The following ZNF469 variants were observed in gnomAD, a reference collection of about 807,000 sequenced individuals.
The protein encoded by ZNF469 is zinc finger protein 469.
Under a neutral mutation model 1.0 loss-of-function variants are expected in ZNF469, and 1 was observed. That is an observed-to-expected ratio of 1.00 (90% CI 0.35 to 4.73). ZNF469 has a LOEUF of 4.73. Ranked by LOEUF, ZNF469 falls within the 30% of genes most tolerant of loss-of-function variation. ZNF469 has a pLI of 0.16. For missense variants in ZNF469, 6,100 were observed against 5,356.3 expected, an observed-to-expected ratio of 1.14 and a Z score of -4.33; for synonymous variants, 2,703 against 2,363.4, an observed-to-expected ratio of 1.14 and a Z score of -4.17.
chr16:88,268,354 G>A, the ZNF469 span, among the ~76,000 whole-genome samples: 3 of 151,990 alleles, frequency 2.0e-5, no homozygotes, highest in Admixed American at 2.0e-4. Context: ...TGTCAGACTT[G>A]GTTCTGATTT....
rs1428573853 is a variant in ZNF469 at position 88,439,074 on chromosome 16, C to G, written c.11604C>G (p.Asn3868Lys). ...LPTKPKPNSQ[N>K]KPRPPPSEQR... is the part of the protein sequence containing the mutation. ...CCAAGCCCAAGCCCAACAGCCAGAA[C>G]AAACCCAGGCCGCCACCATCAGAGC... The change falls in exon 3 of 3, where the codon AAC becomes AAG. Residue 3868 changes from asparagine to lysine, a missense_variant. By Grantham distance (94) the Asn-to-Lys change is moderately conservative. Transcript: ENST00000565624. 1.3e-6 allele frequency: 2 copies of G among 1,550,798 alleles called. No individual in the cohort carries two copies. Among genetic ancestry groups the G allele is most frequent in the Non-Finnish European group, 1.7e-6 (2 of 1,146,976 alleles).
At chr16:88,341,109 A>T in the ZNF469 span, among the ~76,000 whole-genome samples, 1 of 152,218 alleles carries the variant, frequency 6.6e-6, no homozygotes, top group African/African-American at 2.4e-5. Context: ...CAAATCTCTC[A>T]GGCCTTGTGG....
chr16:88,325,649 C>T, the ZNF469 span, among the ~76,000 whole-genome samples: 1 of 152,362 alleles, frequency 6.6e-6, no homozygotes, highest in South Asian at 2.1e-4. Context: ...GGTCCCATCC[C>T]TCATGCAATT....
the ZNF469 span, among the ~76,000 whole-genome samples, chr16:88,193,307 T>G: frequency 6.7e-6 from 1 of 150,044 alleles, no homozygotes; most frequent in Non-Finnish European, 1.5e-5. Context: ...GTGGGGTTGG[T>G]GGTGATGGTG....
chr16:88,414,949 G>A (rs564415519), intron 1 of ZNF469, among the ~76,000 whole-genome samples: 7 of 152,354 alleles, frequency 4.6e-5, no homozygotes, highest in East Asian at 3.9e-4. Context: ...GCCACACAGC[G>A]AGTGGGAACA....
At chr16:88,108,484 G>A in the ZNF469 span, among the ~76,000 whole-genome samples, 1 of 152,194 alleles carries the variant, frequency 6.6e-6, no homozygotes, top group South Asian at 2.1e-4. Context: ...TTTCCACCCT[G>A]AAGAATCAGG....
the ZNF469 span, among the ~76,000 whole-genome samples, chr16:88,297,799 C>A: frequency 1.7e-4 from 26 of 152,212 alleles, no homozygotes; most frequent in Non-Finnish European, 3.1e-4. Context: ...AGTCCTGTGG[C>A]CCCTTCTCCA....
At chr16:88,356,846 A>C in the ZNF469 span, among the ~76,000 whole-genome samples, 1 of 152,188 alleles carries the variant, frequency 6.6e-6, no homozygotes, top group Non-Finnish European at 1.5e-5. Flanking sequence ...GAGATGGGGC[A>C]AGAGGCACCA....
the ZNF469 span, among the ~76,000 whole-genome samples, chr16:88,315,297 C>T: frequency 9.9e-5 from 15 of 152,168 alleles, no homozygotes; most frequent in African/African-American, 3.1e-4. Flanking sequence ...GGGGCTGGCA[C>T]GGCACTGGCC....
At chr16:88,329,856 C>G in the ZNF469 span, among the ~76,000 whole-genome samples, 1 of 152,236 alleles carries the variant, frequency 6.6e-6, no homozygotes, top group Non-Finnish European at 1.5e-5. Context: ...CCCACCAGAG[C>G]AGAGATGGCC....
At position 88,430,382 on chromosome 16, in the gene ZNF469, G is replaced by A; in HGVS notation, c.2912G>A (p.Gly971Asp). Residue 971 changes from glycine to aspartate, a missense_variant, in exon 3 of 3, where the codon GGC becomes GAC. Gly to Asp is a moderately conservative substitution (Grantham distance 94). Coordinates refer to ENST00000565624, the MANE Select transcript of ZNF469 (RefSeq NM_001367624.2). ...GCAGCAGAGGGGTCGGGGTCGGGCG[G>A]CGGCGGCAGAGCCTCCGGCCTGAGG... Reference protein sequence around the residue: ...GGAAEGSGSGGGGRASGLRPR... With the variant: ...GGAAEGSGSGDGGRASGLRPR... 1 of 1,514,044 alleles carries A rather than the reference G, an allele frequency of 6.6e-7. No individual in the cohort carries two copies. The highest frequency in any genetic ancestry group is 8.8e-7 in the Non-Finnish European group (1 of 1,133,582). 93.8% of individuals were successfully genotyped at this position (1,514,044 alleles called of 1,614,324 possible). A position where few individuals can be genotyped will look rare whatever the true frequency, so the allele number is the denominator to read the frequency against.
At chr16:88,208,693 C>T in the ZNF469 span, among the ~76,000 whole-genome samples, 8 of 149,824 alleles carry the variant, frequency 5.3e-5, no homozygotes, top group Admixed American at 2.0e-4. Flanking sequence ...GAAGGAAGCA[C>T]GCACAGATAA....
At chr16:88,229,638 T>TGCGGATGTAACGC in the ZNF469 span, among the ~76,000 whole-genome samples, 2 of 133,074 alleles carry the variant, frequency 1.5e-5, no homozygotes, top group Non-Finnish European at 3.1e-5. Flanking sequence ...GGATGTCACG[T>TGCGGATGTAACGC]GTGTGTGCTG....
At chr16:88,177,061 A>T in the ZNF469 span, among the ~76,000 whole-genome samples, 1 of 152,320 alleles carries the variant, frequency 6.6e-6, no homozygotes, top group East Asian at 1.9e-4. The surrounding 1 kb of genome is among the most constrained non-coding windows in gnomAD (Gnocchi z 4.8). Context: ...GTCTCTGGTG[A>T]CTGACAGGTG....
chr16:88,382,860 T>C (rs2092528717), upstream of ZNF469, among the ~76,000 whole-genome samples: 1 of 142,634 alleles, frequency 7.0e-6, no homozygotes, highest in Non-Finnish European at 1.5e-5. Context: ...GTGGGTCCCA[T>C]GAAACAAACA....
chr16:88,340,193 G>T, the ZNF469 span, among the ~76,000 whole-genome samples: 1 of 152,180 alleles, frequency 6.6e-6, no homozygotes, highest in Admixed American at 6.5e-5. Flanking sequence ...AGTCCAGGCC[G>T]GCACGGCAGC....
the ZNF469 span, among the ~76,000 whole-genome samples, chr16:88,338,947 C>T: frequency 1.3e-5 from 2 of 151,984 alleles, no homozygotes; most frequent in Non-Finnish European, 2.9e-5. Flanking sequence ...TTTGAAGTTC[C>T]CCAGTTTATG....
At chr16:88,161,819 G>A in the ZNF469 span, among the ~76,000 whole-genome samples, 7 of 152,334 alleles carry the variant, frequency 4.6e-5, no homozygotes, top group South Asian at 4.1e-4. Context: ...TGCGTGGCTC[G>A]TGGACTTGGC....
the ZNF469 span, among the ~76,000 whole-genome samples, chr16:88,116,046 T>G: frequency 2.6e-5 from 4 of 152,210 alleles, no homozygotes; most frequent in Non-Finnish European, 5.9e-5. Flanking sequence ...AAAGAGAAAC[T>G]GCAGAGCGGG....
Sources: gnomAD v4.1 joint callset for allele counts (sites outside exome capture counted in the v4.1 genomes callset) on GRCh38, gnomAD v4.1.1 for gene constraint, Gnocchi (gnomAD v3.1) non-coding constraint, MANE v1.5 for transcripts, NCBI Gene and HGNC (gene_info 2026-07-23, HGNC 2026-07-21) for gene names.